BUB1B: variants seen among roughly 807,000 people sequenced by gnomAD.
BUB1B encodes the protein mitotic checkpoint serine/threonine-protein kinase BUB1 beta.
A neutral mutation model predicts 137.7 loss-of-function variants in BUB1B; 86 were observed. The ratio of observed to expected loss-of-function variants is 0.62; its 90% CI spans 0.52 to 0.75. The LOEUF is 0.75. Among genes scored for constraint, BUB1B ranks in the 30% least tolerant of loss-of-function variants. The pLI is 0.00. For missense variants in BUB1B, 1,130 were observed against 1,236.9 expected (o/e 0.91, Z 1.30); for synonymous variants, 420 against 417.9 (o/e 1.00, Z -0.06).
chr15:40,218,206 AC>A, intron 21 of BUB1B, among the ~76,000 whole-genome samples: 1 of 152,238 alleles, frequency 6.6e-6, no homozygotes, highest in East Asian at 1.9e-4. Context: ...CAGTAGGTCT[AC>A]AAATTTGAAT....
chr15:40,178,318 T>A (rs1246307350), intron 5 of BUB1B, among the ~76,000 whole-genome samples: 1 of 152,104 alleles, frequency 6.6e-6, no homozygotes, highest in Admixed American at 6.5e-5. Flanking sequence ...GTCTTCCTTT[T>A]GACCCATGAG....
chr15:40,216,547 CTATATATATA>C (rs763770679), intron 20 of BUB1B, among the ~76,000 whole-genome samples: 2 of 125,530 alleles, frequency 1.6e-5, no homozygotes, highest in African/African-American at 6.3e-5. Flanking sequence ...TATATATATA[CTATATATATA>C]TATATATATA....
At chr15:40,206,535 T>A in intron 15 of BUB1B, 77 bp downstream of exon 15, 1 of 1,581,690 alleles carries the variant, frequency 6.3e-7, no homozygotes, top group Non-Finnish European at 8.6e-7. Flanking sequence ...GTTACAGTAA[T>A]CAGTTATCAA....
intron 12 of BUB1B, among the ~76,000 whole-genome samples, chr15:40,201,467 G>A (rs549112951): frequency 4.5e-4 from 69 of 152,200 alleles, no homozygotes; most frequent in South Asian, 3.9e-3. Context: ...ATAAAGCATG[G>A]AGGAACGTTG....
rs564318902 is a variant in BUB1B at position 40,192,897 on chromosome 15, G to A, written c.1059-3648G>A. ...TAAATAGTCTTGTTCTTTCACCTAC[G>A]CTGGAGTACAGTAGCATGATCCTGG... On this transcript the variant is annotated intron_variant, in intron 8 of 22. Transcript: ENST00000287598. Among the ~76,000 whole-genome samples, 17 of 152,278 alleles carry A rather than the reference G, an allele frequency of 1.1e-4. No homozygotes were observed. The South Asian group carries it at 2.9e-3, about 26-fold the overall frequency.
At position 40,209,723 on chromosome 15, in the gene BUB1B, T is replaced by C. The variant is rs760039821; in HGVS notation, c.2232T>C (p.Cys744=). The C allele has an allele frequency of 6.2e-7, 1 of 1,614,156 alleles. No homozygotes were observed. The highest frequency in any genetic ancestry group is 8.5e-7 in the Non-Finnish European group (1 of 1,180,022). The change falls in exon 17 of 23, where the codon TGT becomes TGC. Residue 744 remains cysteine (C), a synonymous_variant. Coordinates refer to ENST00000287598, the MANE Select transcript of BUB1B (RefSeq NM_001211.6). ...AGTTAAGTGCCTCTGCAGAGTTGTG[T>C]ATAGAAGACAGACCAATGCCTAAGT... ...LPELSASAEL[C]IEDRPMPKLE...
chr15:40,209,647 A>G lies in BUB1B; in HGVS notation c.2156A>G (p.Gln719Arg). The G allele has an allele frequency of 1.2e-6, 2 of 1,614,136 alleles. No individual in the cohort carries two copies. Among genetic ancestry groups the G allele is most frequent in the Non-Finnish European group, 1.7e-6 (2 of 1,180,028 alleles). The change falls in exon 17 of 23, where the codon CAG becomes CGG. Residue 719 changes from glutamine (Q) to arginine (R), a missense_variant. By Grantham distance (43) the Gln-to-Arg change is conservative. Transcript: ENST00000287598. ...LTNETSENPTQSPWCSQYRRQ... is the reference protein window; with the variant it reads ...LTNETSENPTRSPWCSQYRRQ... The stretch of plus-strand genomic sequence containing the variant: ...CTCCCACTGGCAGAAAACCCTACTC[A>G]GTCACCATGGTGTTCACAGTATCGC...
intron 22 of BUB1B, among the ~76,000 whole-genome samples, chr15:40,219,739 C>T (rs1309979911): frequency 2.6e-5 from 4 of 151,758 alleles, no homozygotes; most frequent in Non-Finnish European, 4.4e-5. Flanking sequence ...TAAGTATCTA[C>T]GTTCCACTTT....
intron 14 of BUB1B, 141 bp from the exon 15 acceptor site, chr15:40,206,042 TA>T: frequency 1.2e-6 from 1 of 831,320 alleles, no homozygotes; most frequent in Non-Finnish European, 1.9e-6. Flanking sequence ...GTTCATGATA[TA>T]AAAACCTTTT....
chr15:40,188,436 T>C (rs1251732072), intron 8 of BUB1B, among the ~76,000 whole-genome samples: 1 of 152,180 alleles, frequency 6.6e-6, no homozygotes, highest in Non-Finnish European at 1.5e-5. Flanking sequence ...TAGTGATGTA[T>C]AGAAGCTCTT....
chr15:40,182,235 T>G (rs1055756609), intron 5 of BUB1B, among the ~76,000 whole-genome samples: 3 of 152,182 alleles, frequency 2.0e-5, no homozygotes, highest in Non-Finnish European at 4.4e-5. Context: ...ATCTGAAAAC[T>G]ATACCATCTG....
intron 2 of BUB1B, among the ~76,000 whole-genome samples, chr15:40,168,315 C>T (rs988894036): frequency 1.3e-5 from 2 of 151,344 alleles, no homozygotes; most frequent in South Asian, 2.1e-4. Flanking sequence ...TGCAGTGAGC[C>T]GAGATTGTGC....
Position 40,196,709 on chromosome 15 carries a change from G to C in BUB1B, c.1223G>C (p.Gly408Ala). Residue 408 changes from glycine (G) to alanine (A), a missense_variant, in exon 9 of 23, where the codon GGG (glycine) becomes GCG (alanine). Coordinates refer to ENST00000287598, the MANE Select transcript of BUB1B (RefSeq NM_001211.6). ...YCKEKIYAGV[G>A]EFSFEEIRAE... ...AAGGAGAAGATTTATGCAGGAGTAG[G>C]GGAATTCTCCTTTGAAGAAATTCGG... 6.2e-7 allele frequency: 1 copy of C among 1,613,990 alleles called. No individual in the cohort carries two copies. The highest frequency in any genetic ancestry group is 8.5e-7 in the Non-Finnish European group (1 of 1,179,918).
chr15:40,177,583 C>T (rs1397175155), intron 5 of BUB1B, among the ~76,000 whole-genome samples: 3 of 152,098 alleles, frequency 2.0e-5, no homozygotes, highest in Non-Finnish European at 4.4e-5. Flanking sequence ...TACCGATGTA[C>T]GTGTCTATCC....
At chr15:40,174,619 G>T (rs1295910197) in intron 4 of BUB1B, among the ~76,000 whole-genome samples, 1 of 152,208 alleles carries the variant, frequency 6.6e-6, no homozygotes, top group Non-Finnish European at 1.5e-5. Context: ...ATTTGGTAAA[G>T]TAACAAATGG....
chr15:40,216,701 A>G (rs117432559), intron 20 of BUB1B, among the ~76,000 whole-genome samples: 5,456 of 151,382 alleles, frequency 0.036, 146 homozygotes, highest in Middle Eastern at 0.072. Flanking sequence ...CCGTGGAGGT[A>G]TGTAATTGGA....
intron 5 of BUB1B, among the ~76,000 whole-genome samples, chr15:40,179,741 A>G (rs980950997): frequency 2.0e-5 from 3 of 151,752 alleles, no homozygotes; most frequent in African/African-American, 7.3e-5. Flanking sequence ...AATTTGTGTT[A>G]TTGGCTTTTT....
rs2037897138 is a variant in BUB1B, at chr15:40,220,916, ATT to A, written c.*162_*163del. On this transcript the variant is annotated 3_prime_UTR_variant, in exon 23 of 23. Coordinates refer to ENST00000287598, the MANE Select transcript of BUB1B (RefSeq NM_001211.6). ...ACAGGTATATTTTGACGTCACTGAT[ATT>A]TTTTATACAGTGATATACTTACTCA... 1.3e-6 allele frequency: 1 copy of A among 787,586 alleles called. No individual in the cohort carries two copies. The highest frequency in any genetic ancestry group is 1.7e-5 in the African/African-American group (1 of 58,148). 48.8% of individuals were successfully genotyped at this position (787,586 alleles called of 1,614,324 possible). A position where few individuals can be genotyped will look rare whatever the true frequency, so the allele number is the denominator to read the frequency against.
chr15:40,204,685 G>C (rs1293115716), intron 14 of BUB1B, among the ~76,000 whole-genome samples: 1 of 151,410 alleles, frequency 6.6e-6, no homozygotes, highest in East Asian at 1.9e-4. Context: ...CACCCAGGCT[G>C]GAGTACAGTG....
Sources: allele counts gnomAD v4.1 joint callset (sites outside exome capture counted in the v4.1 genomes callset), GRCh38; gene constraint gnomAD v4.1.1; transcripts MANE v1.5; gene names NCBI Gene and HGNC (gene_info 2026-07-23, HGNC 2026-07-21).